Variants in ACACB observed in about 807,000 individuals in gnomAD.
ACACB encodes the protein acetyl-CoA carboxylase beta, also known as acetyl-CoA carboxylase 2.
ACACB carries 209 observed loss-of-function variants against 278.8 expected under a neutral mutation model. The ratio of observed to expected loss-of-function variants is 0.75; its 90% confidence interval spans 0.67 to 0.84. ACACB has a LOEUF of 0.84. Ranked by LOEUF, ACACB falls within the 40% of genes least tolerant of loss-of-function variation. The probability of loss-of-function intolerance (pLI) is 0.00; values close to 1 mark genes in which losing one functional copy is unlikely to be tolerated. For synonymous variants in ACACB, 1,174 were observed against 1,285.6 expected (o/e 0.91, Z 1.86); for missense variants, 2,850 against 3,269.0 (o/e 0.87, Z 3.13).
At chr12:109,136,624 A>G (rs1008906652) in intron 1 of ACACB, among the ~76,000 whole-genome samples, 2 of 152,088 alleles carry the variant, frequency 1.3e-5, no homozygotes, top group African/African-American at 4.8e-5. Context: ...TGTTTTCTTA[A>G]TTTCTTTTTC....
intron 1 of ACACB, among the ~76,000 whole-genome samples, chr12:109,117,181 G>A (rs539880825): frequency 2.5e-4 from 37 of 150,852 alleles, no homozygotes; most frequent in African/African-American, 9.0e-4. Context: ...CCAACATGGC[G>A]AAACCCCATC....
chr12:109,256,166 T>C lies in ACACB; in HGVS notation c.6193T>C (p.Phe2065Leu), dbSNP rs1409317544. The stretch of plus-strand genomic sequence containing the variant: ...TCTGAAGGGAACGTGGCAGAGCGGA[T>C]TCTTTGACCACGGCAGTTTCAAGGA... ...PTLKGTWQSG[F>L]FDHGSFKEIM... The change falls in exon 45 of 53, where the codon TTC (phenylalanine) becomes CTC (leucine). Residue 2065 changes from phenylalanine (F) to leucine (L), a missense_variant. By Grantham distance (22) the Phe-to-Leu change is conservative. Transcript: ENST00000338432. The C allele has an allele frequency of 6.2e-7, 1 of 1,613,738 alleles. No homozygotes were observed. Among genetic ancestry groups the C allele is most frequent in the Non-Finnish European group, 8.5e-7 (1 of 1,179,872 alleles).
chr12:109,235,711 G>A (rs2046613897), intron 33 of ACACB, 64 bp downstream of exon 33: 3 of 1,466,646 alleles, frequency 2.0e-6, no homozygotes, highest in African/African-American at 1.4e-5. Context: ...TAAGAGATGG[G>A]ATGGGGCCGG....
chr12:109,118,315 C>T (rs965311795), intron 1 of ACACB, among the ~76,000 whole-genome samples: 4 of 151,954 alleles, frequency 2.6e-5, no homozygotes, highest in Admixed American at 2.6e-4. Flanking sequence ...TATTACATTA[C>T]ATGAGATACC....
intron 2 of ACACB, among the ~76,000 whole-genome samples, chr12:109,160,952 GTT>G: frequency 6.6e-6 from 1 of 152,296 alleles, no homozygotes; most frequent in Admixed American, 6.5e-5. Context: ...AATTGCTAGA[GTT>G]TTAATGTTTG....
At chr12:109,210,640 T>C (rs2045816420) in intron 21 of ACACB, among the ~76,000 whole-genome samples, 1 of 150,520 alleles carries the variant, frequency 6.6e-6, no homozygotes, top group South Asian at 2.1e-4. Flanking sequence ...TGAGGTCGGG[T>C]GCATTGGCTC....
In ACACB at chr12:109,166,899, G is replaced by A. The variant is rs776631835; in HGVS notation, c.692G>A (p.Arg231Gln). 9.3e-6 allele frequency: 15 copies of A among 1,613,886 alleles called. No homozygotes were observed. The highest frequency in any genetic ancestry group is 7.7e-5 in the South Asian group (7 of 91,072). Residue 231 changes from arginine to glutamine, a missense_variant, in exon 3 of 53, where the codon CGG becomes CAG. Coordinates refer to ENST00000338432, the MANE Select transcript of ACACB (RefSeq NM_001093.4). Reference protein sequence around the residue: ...MSGLHLVKRGREHKKLDLHRD... With the variant: ...MSGLHLVKRGQEHKKLDLHRD... Reference sequence around the variant, plus strand: ...GGACTCCACCTGGTGAAGAGGGGACGGGAACACAAGAAGCTGGACCTGCAC... The same window carrying A: ...GGACTCCACCTGGTGAAGAGGGGACAGGAACACAAGAAGCTGGACCTGCAC...
At chr12:109,145,232 G>A (rs757480087) in intron 2 of ACACB, among the ~76,000 whole-genome samples, 9 of 152,234 alleles carry the variant, frequency 5.9e-5, no homozygotes, top group Non-Finnish European at 1.2e-4. Flanking sequence ...GGAGTGATCC[G>A]TCGTTTTGGT....
In ACACB at chr12:109,187,979, A is replaced by C; in HGVS notation, c.1981-20A>C. On this transcript the variant is annotated intron_variant, in intron 12 of 52. Transcript: ENST00000338432. ...GGAGTAATGATTTCTTCCATTTTGC[A>C]TTTTCTGTCCGGACTCCAGGGTTTT... 1 of 1,578,400 alleles carries C rather than the reference A, an allele frequency of 6.3e-7. No individual in the cohort carries two copies. Among genetic ancestry groups the C allele is most frequent in the South Asian group, 1.1e-5 (1 of 89,092 alleles).
intron 2 of ACACB, among the ~76,000 whole-genome samples, chr12:109,155,439 A>G (rs1296924737): frequency 6.6e-6 from 1 of 152,074 alleles, no homozygotes. Flanking sequence ...TTTTGTCCTC[A>G]TTTTATTGCA....
At chr12:109,171,783 T>C in intron 4 of ACACB, 22 bp from the exon 5 acceptor site, 1 of 1,585,354 alleles carries the variant, frequency 6.3e-7, no homozygotes, top group Non-Finnish European at 8.7e-7. Flanking sequence ...GTTCCTTCCT[T>C]CTCCCTCCCA....
In ACACB at chr12:109,166,909, G is replaced by A; in HGVS notation, c.702G>A (p.Lys234=). The A allele has an allele frequency of 6.2e-7, 1 of 1,614,072 alleles. No homozygotes were observed. Among genetic ancestry groups the A allele is most frequent in the Non-Finnish European group, 8.5e-7 (1 of 1,180,022 alleles). ...LHLVKRGREH[K]KLDLHRDFTV... ...TGGTGAAGAGGGGACGGGAACACAA[G>A]AAGCTGGACCTGCACAGAGACTTTA... is the stretch of plus-strand genomic sequence containing the variant. Residue 234 remains lysine, a synonymous_variant, in exon 3 of 53, where the codon AAG becomes AAA. Coordinates refer to ENST00000338432, the MANE Select transcript of ACACB (RefSeq NM_001093.4).
rs1200166057 is a variant in ACACB, at chr12:109,206,787, C to T, written c.2991C>T (p.His997=). 6 of 1,614,166 alleles carry T rather than the reference C, an allele frequency of 3.7e-6. No homozygotes were observed. The Admixed American group carries it at 8.3e-5, about 22-fold the overall frequency. Reference sequence around the variant, plus strand: ...GAGAGAAACTGCACCAGGTCTTCCACAGCGTCCTGGAAAACCTCACCAACG... The same window carrying T: ...GAGAGAAACTGCACCAGGTCTTCCATAGCGTCCTGGAAAACCTCACCAACG... ...ILGEKLHQVF[H]SVLENLTNVM... is the part of the protein sequence containing the mutation. Residue 997 remains histidine, a synonymous_variant, in exon 20 of 53, where the codon CAC becomes CAT. Transcript: ENST00000338432.
intron 48 of ACACB, 24 bp from the exon 49 acceptor site, chr12:109,262,333 C>T (rs2047400284): frequency 6.3e-7 from 1 of 1,589,768 alleles, no homozygotes; most frequent in South Asian, 1.1e-5. Context: ...CATATACCCC[C>T]ATCCCTGCCT....
intron 4 of ACACB, among the ~76,000 whole-genome samples, chr12:109,171,563 C>T (rs568154521): frequency 2.0e-5 from 3 of 150,940 alleles, no homozygotes; most frequent in South Asian, 2.1e-4. Context: ...TTGCCCAGGC[C>T]GGTTTCGAAC....
chr12:109,152,621 G>A (rs1304059073), intron 2 of ACACB, among the ~76,000 whole-genome samples: 3 of 110,158 alleles, frequency 2.7e-5, no homozygotes, highest in Non-Finnish European at 4.0e-5. Flanking sequence ...CCCTGCCTGT[G>A]CCTTTTCTTT....
intron 33 of ACACB, chr12:109,235,978 G>T: frequency 4.5e-6 from 1 of 223,800 alleles, no homozygotes. Context: ...TAGCCTGGGT[G>T]ACAGAGTGAG....
At chr12:109,235,763 T>G (rs2046615724) in intron 33 of ACACB, 116 bp downstream of exon 33, 1 of 923,692 alleles carries the variant, frequency 1.1e-6, no homozygotes, top group South Asian at 1.6e-5. Context: ...TTTGGGAGGC[T>G]GAGGCAGGAG....
At chr12:109,211,342 CTTTT>C (rs35008047) in intron 21 of ACACB, among the ~76,000 whole-genome samples, 2 of 109,982 alleles carry the variant, frequency 1.8e-5, no homozygotes, top group African/African-American at 3.6e-5. Context: ...TGTGATTCCT[CTTTT>C]TTTTTTTTTT....
Sources: gnomAD v4.1 joint callset for allele counts (sites outside exome capture counted in the v4.1 genomes callset) on GRCh38, gnomAD v4.1.1 for gene constraint, MANE v1.5 for transcripts, NCBI Gene and HGNC (gene_info 2026-07-23, HGNC 2026-07-21) for gene names.